Variants in GPC5 observed in about 807,000 individuals in gnomAD.
The protein encoded by GPC5 is glypican 5, also known as glypican-5.
GPC5 carries 47 observed loss-of-function variants against 53.9 expected under a neutral mutation model. The ratio of observed to expected loss-of-function variants is 0.87; its 90% CI spans 0.69 to 1.11. The LOEUF is 1.11. Among genes scored for constraint, GPC5 ranks in the 50% most tolerant of loss-of-function variants. GPC5 has a pLI of 0.00. For synonymous variants in GPC5, 286 were observed against 263.3 expected (o/e 1.09, Z -0.84); for missense variants, 748 against 713.1 (o/e 1.05, Z -0.56).
chr13:92,027,907 A>G (rs2040812605), intron 6 of GPC5, among the ~76,000 whole-genome samples: 1 of 152,120 alleles, frequency 6.6e-6, no homozygotes, highest in African/African-American at 2.4e-5. Flanking sequence ...ATCCCATCCC[A>G]CCTAAAACAT....
At chr13:91,915,206 C>T (rs1190177238) in intron 6 of GPC5, among the ~76,000 whole-genome samples, 2 of 152,116 alleles carry the variant, frequency 1.3e-5, no homozygotes, top group Non-Finnish European at 2.9e-5. Context: ...TCTTTTGGTT[C>T]AGGAGAAAGT....
intron 5 of GPC5, among the ~76,000 whole-genome samples, chr13:91,896,663 G>A (rs1432556935): frequency 6.6e-6 from 1 of 152,074 alleles, no homozygotes; most frequent in Non-Finnish European, 1.5e-5. Context: ...CATCTAGACC[G>A]GAAACTTCCA....
intron 6 of GPC5, among the ~76,000 whole-genome samples, chr13:92,021,321 G>A (rs1377704790): frequency 2.0e-5 from 3 of 152,128 alleles, no homozygotes; most frequent in East Asian, 1.9e-4. Context: ...TCTACAATAC[G>A]TGACAGCATG....
intron 7 of GPC5, among the ~76,000 whole-genome samples, chr13:92,263,848 T>A (rs1185634217): frequency 6.6e-6 from 1 of 152,110 alleles, no homozygotes; most frequent in Non-Finnish European, 1.5e-5. Context: ...GCAACTGGGT[T>A]TTTCCCTGGA....
At chr13:91,861,751 TC>T (rs2039031410) in intron 5 of GPC5, among the ~76,000 whole-genome samples, 2 of 94,672 alleles carry the variant, frequency 2.1e-5, no homozygotes, top group Admixed American at 1.1e-4. Context: ...ACAATCTGTT[TC>T]TTGTTTCTCT....
chr13:92,156,354 T>A (rs1332184932), intron 7 of GPC5, among the ~76,000 whole-genome samples: 1 of 152,174 alleles, frequency 6.6e-6, no homozygotes, highest in Non-Finnish European at 1.5e-5. Flanking sequence ...CACCCATTAT[T>A]AGTGTGGGCA....
intron 6 of GPC5, among the ~76,000 whole-genome samples, chr13:92,078,243 G>A (rs1193893425): frequency 6.6e-6 from 1 of 152,174 alleles, no homozygotes; most frequent in African/African-American, 2.4e-5. Context: ...TCAGGACAAA[G>A]ACATTTCACG....
chr13:92,769,093 A>G (rs1875517737), intron 7 of GPC5, among the ~76,000 whole-genome samples: 1 of 152,200 alleles, frequency 6.6e-6, no homozygotes, highest in Non-Finnish European at 1.5e-5. Flanking sequence ...CTAACAATGT[A>G]ATGAAACTAA....
chr13:92,810,509 CTGTTA>C (rs1877255348), intron 7 of GPC5, among the ~76,000 whole-genome samples: 1 of 151,828 alleles, frequency 6.6e-6, no homozygotes, highest in African/African-American at 2.4e-5. Context: ...TATATTTACA[CTGTTA>C]TATCACCATC....
intron 4 of GPC5, among the ~76,000 whole-genome samples, chr13:91,751,349 G>A (rs2037172287): frequency 6.6e-6 from 1 of 152,098 alleles, no homozygotes; most frequent in South Asian, 2.1e-4. Context: ...TGTAGCAACC[G>A]TGAGAGACTA....
chr13:91,802,471 C>A (rs2038151463), intron 5 of GPC5, among the ~76,000 whole-genome samples: 1 of 152,142 alleles, frequency 6.6e-6, no homozygotes, highest in African/African-American at 2.4e-5. Flanking sequence ...TTGTGAAGAG[C>A]AAAAGAACAA....
intron 7 of GPC5, among the ~76,000 whole-genome samples, chr13:92,567,426 A>G (rs1238361890): frequency 6.6e-6 from 1 of 152,116 alleles, no homozygotes; most frequent in Non-Finnish European, 1.5e-5. Context: ...AAAGATGTCC[A>G]TATTCTAATC....
chr13:91,571,854 C>T lies in GPC5; in HGVS notation c.326-121333C>T, dbSNP rs1566515736. Among the ~76,000 whole-genome samples, 2 of 124,712 alleles carry T rather than the reference C, an allele frequency of 1.6e-5. 1 individual carries two copies. Among genetic ancestry groups the T allele is most frequent in the Non-Finnish European group, 3.3e-5 (2 of 60,822 alleles). 81.8% of individuals were successfully genotyped at this position (124,712 alleles called of 152,430 possible). A position where few individuals can be genotyped will look rare whatever the true frequency, so the allele number is the denominator to read the frequency against. On this transcript the variant is annotated intron_variant, in intron 2 of 7. Transcript: ENST00000377067. ...ACACATATACTTGTGTGTATATACA[C>T]ATATACGTGTGTGTATATATACACA...
intron 2 of GPC5, among the ~76,000 whole-genome samples, chr13:91,618,312 A>G (rs1168634410): frequency 6.6e-6 from 1 of 152,060 alleles, no homozygotes; most frequent in African/African-American, 2.4e-5. Flanking sequence ...TTTATATACA[A>G]TTGCCCCCTT....
At chr13:92,101,889 T>C (rs2041470098) in intron 6 of GPC5, among the ~76,000 whole-genome samples, 1 of 152,214 alleles carries the variant, frequency 6.6e-6, no homozygotes, top group South Asian at 2.1e-4. Context: ...TCAACAACTT[T>C]AAAATATTCA....
At chr13:91,949,218 G>A (rs1047072290) in intron 6 of GPC5, among the ~76,000 whole-genome samples, 1 of 152,094 alleles carries the variant, frequency 6.6e-6, no homozygotes, top group Non-Finnish European at 1.5e-5. Flanking sequence ...AAAAACGAAG[G>A]ACAGTCATCT....
chr13:92,598,426 A>T (rs547380005), intron 7 of GPC5, among the ~76,000 whole-genome samples: 1 of 151,582 alleles, frequency 6.6e-6, no homozygotes, highest in Admixed American at 6.6e-5. Context: ...TGATATCCTT[A>T]TGTGTTGCTT....
At chr13:92,760,520 C>T (rs1415926618) in intron 7 of GPC5, among the ~76,000 whole-genome samples, 16 of 152,046 alleles carry the variant, frequency 1.1e-4, no homozygotes, top group Non-Finnish European at 1.5e-5. Flanking sequence ...GTTGTAGTGT[C>T]TCCACCTTCA....
chr13:92,038,380 ATAGG>A (rs144925678), intron 6 of GPC5, among the ~76,000 whole-genome samples: 31,349 of 130,958 alleles, frequency 0.24, 3,509 homozygotes, highest in Admixed American at 0.33. Flanking sequence ...AGATAGATAG[ATAGG>A]TAGATAGATA....
Sources: gnomAD v4.1 joint callset for allele counts (sites outside exome capture counted in the v4.1 genomes callset) on GRCh38, gnomAD v4.1.1 for gene constraint, MANE v1.5 for transcripts, NCBI Gene and HGNC (gene_info 2026-07-23, HGNC 2026-07-21) for gene names.